TENT4A: variants seen among roughly 807,000 people sequenced by gnomAD.
The protein encoded by TENT4A is terminal nucleotidyltransferase 4A.
TENT4A carries 7 observed loss-of-function variants against 72.8 expected under a neutral mutation model. That is an observed-to-expected ratio of 0.10 (90% CI 0.05 to 0.18). TENT4A has a LOEUF of 0.18. TENT4A is among the 10% of genes least tolerant of loss of function. TENT4A has a pLI of 1.00. For missense variants in TENT4A, 831 were observed against 1,017.7 expected (o/e 0.82, Z 2.50); for synonymous variants, 456 against 434.3 (o/e 1.05, Z -0.62).
chr5:6,740,745 G>A (rs1055661959), intron 4 of TENT4A, among the ~76,000 whole-genome samples: 2 of 152,244 alleles, frequency 1.3e-5, no homozygotes, highest in Admixed American at 6.5e-5. Flanking sequence ...ACCAGAGCGA[G>A]CAGGCAGCAC....
At chr5:6,722,547 G>GTTTTT (rs55840324) in intron 1 of TENT4A, among the ~76,000 whole-genome samples, 1,652 of 123,112 alleles carry the variant, frequency 0.013, 21 homozygotes, top group African/African-American at 0.04. Flanking sequence ...GCATTTGTTA[G>GTTTTT]TTTTTTTTTT....
chr5:6,744,887 C>T (rs975257283), intron 6 of TENT4A, among the ~76,000 whole-genome samples: 1 of 152,170 alleles, frequency 6.6e-6, no homozygotes, highest in Non-Finnish European at 1.5e-5. Flanking sequence ...GTAGTAACAA[C>T]AGCTACTTAA....
intron 1 of TENT4A, among the ~76,000 whole-genome samples, chr5:6,722,077 C>T (rs1200119773): frequency 1.3e-5 from 2 of 152,194 alleles, no homozygotes; most frequent in African/African-American, 4.8e-5. Flanking sequence ...TCGGGAGCCA[C>T]GTGCTTGGCT....
rs1742713736 is a variant in TENT4A at position 6,756,579 on chromosome 5, G to T, written c.*1634G>T. ...CTCACTCTGTCATTGGGAGCTGTCA[G>T]CTGCGACTGCAGGTTCTCTAGGAGG... On this transcript the variant is annotated 3_prime_UTR_variant, in exon 13 of 13. Transcript: ENST00000230859. 1 of 152,442 alleles carries T rather than the reference G, an allele frequency of 6.6e-6. No homozygotes were observed. The highest frequency in any genetic ancestry group is 6.5e-5 in the Admixed American group (1 of 15,290). The allele number at this position is 152,442 out of a possible 1,614,324, so 9.4% of individuals were successfully genotyped here.
chr5:6,734,876 G>A (rs765270362), intron 1 of TENT4A, among the ~76,000 whole-genome samples: 5 of 152,218 alleles, frequency 3.3e-5, no homozygotes, highest in Non-Finnish European at 7.3e-5. Flanking sequence ...TGACAAAAAC[G>A]GATGCCATGT....
Position 6,714,226 on chromosome 5 carries a change from C to G in TENT4A, c.243C>G (p.Pro81=). The change falls in exon 1 of 13, where the codon CCC becomes CCG. Residue 81 remains proline, a synonymous_variant. Transcript: ENST00000230859. ...CCCCGCCGCCCGGCCCCACCGCGCCCGCCGCGCTGCCCCCCGCGCTGCTGA... is the reference window on the plus strand; with the variant it reads ...CCCCGCCGCCCGGCCCCACCGCGCCGGCCGCGCTGCCCCCCGCGCTGCTGA... ...ASPPPPGPTA[P]AALPPALLTA... The G allele has an allele frequency of 1.0e-6, 1 of 992,208 alleles. No homozygotes were observed. The highest frequency in any genetic ancestry group is 1.2e-6 in the Non-Finnish European group (1 of 836,174). The allele number at this position is 992,208 out of a possible 1,614,324, so 61.5% of individuals were successfully genotyped here.
intron 1 of TENT4A, among the ~76,000 whole-genome samples, chr5:6,726,156 G>A (rs1740908947): frequency 6.6e-6 from 1 of 152,144 alleles, no homozygotes; most frequent in African/African-American, 2.4e-5. Flanking sequence ...CGAGGGCCAG[G>A]CCCTGTGCTA....
At chr5:6,736,373 G>C (rs1444332973) in intron 1 of TENT4A, among the ~76,000 whole-genome samples, 2 of 152,224 alleles carry the variant, frequency 1.3e-5, no homozygotes, top group Admixed American at 1.3e-4. Flanking sequence ...CCTGTAAGAG[G>C]TGCTACTTGC....
intron 1 of TENT4A, among the ~76,000 whole-genome samples, chr5:6,736,229 A>T (rs1191268994): frequency 6.6e-6 from 1 of 151,968 alleles, no homozygotes; most frequent in East Asian, 1.9e-4. Context: ...TGGAATGCGT[A>T]CTCCAAATGA....
chr5:6,728,683 G>T (rs1741062405), intron 1 of TENT4A, among the ~76,000 whole-genome samples: 1 of 152,246 alleles, frequency 6.6e-6, no homozygotes, highest in South Asian at 2.1e-4. Flanking sequence ...CCCAGAGGGA[G>T]CCCCTGCTGG....
rs1217268999 is a variant in TENT4A at position 6,728,695 on chromosome 5, G to GT, written c.717-8814dup. ...GAGCCCAGAGGGAGCCCCTGCTGGT[G>GT]TGACTTTAGTGTAAAGGCTGGGGGA... On this transcript the variant is annotated intron_variant, in intron 1 of 12. Coordinates refer to ENST00000230859, the MANE Select transcript of TENT4A (RefSeq NM_006999.6). Among the ~76,000 whole-genome samples, 17 of 152,352 alleles carry GT rather than the reference G, an allele frequency of 1.1e-4. No individual in the cohort carries two copies. In the South Asian group the frequency reaches 3.5e-3, roughly 32 times the overall value.
chr5:6,743,574 A>C (rs1368024168), intron 5 of TENT4A, 138 bp from the exon 6 acceptor site: 1 of 660,140 alleles, frequency 1.5e-6, no homozygotes, highest in African/African-American at 1.8e-5. Flanking sequence ...CCAAAGTTTG[A>C]GACTTAATGA....
chr5:6,742,955 T>C (rs1741890444), intron 5 of TENT4A, among the ~76,000 whole-genome samples: 1 of 152,014 alleles, frequency 6.6e-6, no homozygotes, highest in South Asian at 2.1e-4. Flanking sequence ...TATACTCACT[T>C]TGGGAGGTCT....
At chr5:6,731,624 C>T (rs979986045) in intron 1 of TENT4A, among the ~76,000 whole-genome samples, 3 of 151,356 alleles carry the variant, frequency 2.0e-5, no homozygotes, top group African/African-American at 4.9e-5. Flanking sequence ...ACTGTAGCTT[C>T]GAATCCTGGG....
chr5:6,750,124 A>T (rs1471536926), intron 9 of TENT4A, among the ~76,000 whole-genome samples: 2 of 152,272 alleles, frequency 1.3e-5, no homozygotes, highest in African/African-American at 4.8e-5. Context: ...GATGATTTGC[A>T]TACCCAAGTT....
intron 4 of TENT4A, among the ~76,000 whole-genome samples, chr5:6,741,483 C>T (rs545668002): frequency 1.3e-4 from 20 of 152,280 alleles, no homozygotes; most frequent in South Asian, 1.3e-3. Flanking sequence ...GAAGCTGCTT[C>T]CTAAACTGTG....
intron 1 of TENT4A, among the ~76,000 whole-genome samples, chr5:6,736,110 G>A (rs1009264849): frequency 2.0e-5 from 3 of 152,164 alleles, no homozygotes; most frequent in Admixed American, 2.0e-4. Flanking sequence ...CTGCAGGCAT[G>A]GCCTGATTTG....
chr5:6,750,837 C>T, intron 10 of TENT4A: 4 of 579,624 alleles, frequency 6.9e-6, no homozygotes, highest in Admixed American at 3.2e-5. Flanking sequence ...TCTGTATTTC[C>T]TTTAACATTC....
chr5:6,736,641 C>T (rs1432055518), intron 1 of TENT4A, among the ~76,000 whole-genome samples: 1 of 152,268 alleles, frequency 6.6e-6, no homozygotes, highest in Non-Finnish European at 1.5e-5. Flanking sequence ...TCAGCCTTAA[C>T]TCATGACATA....
Sources: gnomAD v4.1 joint callset for allele counts (sites outside exome capture counted in the v4.1 genomes callset) on GRCh38, gnomAD v4.1.1 for gene constraint, MANE v1.5 for transcripts, NCBI Gene and HGNC (gene_info 2026-07-23, HGNC 2026-07-21) for gene names.